Variants in DCPS observed in about 807,000 individuals in gnomAD.
DCPS encodes the protein m7GpppX diphosphatase.
Under a neutral mutation model 34.7 loss-of-function variants are expected in DCPS, and 27 were observed. The ratio of observed to expected loss-of-function variants is 0.78; its 90% CI spans 0.57 to 1.07. DCPS has a LOEUF of 1.07. Among genes scored for constraint, DCPS ranks in the 50% least tolerant of loss-of-function variants. The pLI is 0.00. For missense variants in DCPS, 464 were observed against 436.9 expected, an observed-to-expected ratio of 1.06 and a Z score of -0.55; for synonymous variants, 185 against 185.7, an observed-to-expected ratio of 1.00 and a Z score of 0.03.
In DCPS at chr11:126,345,629, A is replaced by G; in HGVS notation, c.*16A>G. On this transcript the variant is annotated 3_prime_UTR_variant, in exon 6 of 6. Coordinates refer to ENST00000263579, the MANE Select transcript of DCPS (RefSeq NM_014026.6). This position sits in a 1 kb window ranked among gnomAD's most constrained non-coding sequence, Gnocchi z 7.4. ...GCAAAGCTGAATTAACTCAGGCAGA[A>G]GAGCACAGATGTGTGGGATTGGGGG... 1 of 1,609,026 alleles carries G rather than the reference A, an allele frequency of 6.2e-7. No homozygotes were observed. Among genetic ancestry groups the G allele is most frequent in the Non-Finnish European group, 8.5e-7 (1 of 1,177,662 alleles).
rs1951810763 is a variant in DCPS, at chr11:126,333,891, CTGATA to C, written c.522+2343_522+2347del. On this transcript the variant is annotated intron_variant, in intron 3 of 5. Coordinates refer to ENST00000263579, the MANE Select transcript of DCPS (RefSeq NM_014026.6). This position sits in a 1 kb window ranked among gnomAD's most constrained non-coding sequence, Gnocchi z 5.7. ...TCTCTCTCTCTCTCTCTCTCTCTCT[CTGATA>C]TTTCTGACAACCATCAGATGTGAGA... Among the ~76,000 whole-genome samples, 1 of 152,080 alleles carries C rather than the reference CTGATA, an allele frequency of 6.6e-6. No homozygotes were observed. Among genetic ancestry groups the C allele is most frequent in the African/African-American group, 2.4e-5 (1 of 41,414 alleles).
Position 126,325,934 on chromosome 11 carries a change from T to C in DCPS, c.377-5471T>C, listed in dbSNP as rs1250649888. Among the ~76,000 whole-genome samples the C allele has an allele frequency of 6.6e-6, 1 of 151,890 alleles. No individual in the cohort carries two copies. Among genetic ancestry groups the C allele is most frequent in the Non-Finnish European group, 1.5e-5 (1 of 67,964 alleles). The stretch of plus-strand genomic sequence containing the variant: ...GGAAATCGAGGCCATCCTGGCCAAC[T>C]TGGTGAAACCCTGTCTCTACTAAAA... On this transcript the variant is annotated intron_variant, in intron 2 of 5. Coordinates refer to ENST00000263579, the MANE Select transcript of DCPS (RefSeq NM_014026.6). The surrounding 1 kb of genome is among the most constrained non-coding windows in gnomAD (Gnocchi z 4.3).
At position 126,328,488 on chromosome 11, in the gene DCPS, A is replaced by G. The variant is rs1385155001; in HGVS notation, c.377-2917A>G. Among the ~76,000 whole-genome samples, 1 of 152,118 alleles carries G rather than the reference A, an allele frequency of 6.6e-6. No individual in the cohort carries two copies. Among genetic ancestry groups the G allele is most frequent in the Non-Finnish European group, 1.5e-5 (1 of 68,014 alleles). The stretch of plus-strand genomic sequence containing the variant: ...GCAGTTGGAAAATAAGCACCTGTGG[A>G]TGCTCTTGCTGCTGAGGGGAGGCGG... On this transcript the variant is annotated intron_variant, in intron 2 of 5. Coordinates refer to ENST00000263579, the MANE Select transcript of DCPS (RefSeq NM_014026.6). The surrounding 1 kb of genome is among the most constrained non-coding windows in gnomAD (Gnocchi z 6.6).
rs141698266 is a variant in DCPS, at chr11:126,342,548, C to T, written c.637-759C>T. 1.1e-3 allele frequency among the ~76,000 whole-genome samples: 160 copies of T among 152,314 alleles called. 1 individual carries two copies. Among genetic ancestry groups the T allele is most frequent in the Middle Eastern group, 3.4e-3 (1 of 294 alleles). On this transcript the variant is annotated intron_variant, in intron 4 of 5. Coordinates refer to ENST00000263579, the MANE Select transcript of DCPS (RefSeq NM_014026.6). This position sits in a 1 kb window ranked among gnomAD's most constrained non-coding sequence, Gnocchi z 4.4. ...TGTTTCCTCTACCTGAATACCCTTTCTCCAAATTCTACCTTTTTTCTAGAC... is the reference window on the plus strand; with the variant it reads ...TGTTTCCTCTACCTGAATACCCTTTTTCCAAATTCTACCTTTTTTCTAGAC...
rs570667854 is a variant in DCPS, at chr11:126,344,550, C to T, written c.748-797C>T. Among the ~76,000 whole-genome samples the T allele has an allele frequency of 3.3e-5, 5 of 152,284 alleles. No individual in the cohort carries two copies. Among genetic ancestry groups the T allele is most frequent in the African/African-American group, 7.2e-5 (3 of 41,556 alleles). ...GGATTCCTGGGGTGAGCTCCAAATG[C>T]AGAACACAGTTCTGGGGTATATACT... On this transcript the variant is annotated intron_variant, in intron 5 of 5. Coordinates refer to ENST00000263579, the MANE Select transcript of DCPS (RefSeq NM_014026.6). This position sits in a 1 kb window ranked among gnomAD's most constrained non-coding sequence, Gnocchi z 8.1.
At position 126,336,115 on chromosome 11, in the gene DCPS, C is replaced by CAAA. The variant is rs34762229; in HGVS notation, c.523-2154_523-2152dup. On this transcript the variant is annotated intron_variant, in intron 3 of 5. Coordinates refer to ENST00000263579, the MANE Select transcript of DCPS (RefSeq NM_014026.6). The surrounding 1 kb of genome is among the most constrained non-coding windows in gnomAD (Gnocchi z 6.3). ...TGGGCGAAAGAGCAAGACTCCATCT[C>CAAA]AAAAAAAAAAAAAAAAAAATGGCGA... Among the ~76,000 whole-genome samples the CAAA allele has an allele frequency of 2.7e-5, 3 of 109,172 alleles. No homozygotes were observed. The highest frequency in any genetic ancestry group is 3.7e-5 in the Non-Finnish European group (2 of 53,934). 71.6% of individuals were successfully genotyped at this position (109,172 alleles called of 152,430 possible). A position where few individuals can be genotyped will look rare whatever the true frequency, so the allele number is the denominator to read the frequency against.
chr11:126,311,784 T>C (rs1315335530), intron 2 of DCPS, among the ~76,000 whole-genome samples: 1 of 152,212 alleles, frequency 6.6e-6, no homozygotes, highest in Non-Finnish European at 1.5e-5. Context: ...GAAACTGAAC[T>C]TACCTCAGTG....
Position 126,345,771 on chromosome 11 carries a change from T to A in DCPS, c.*158T>A. The A allele has an allele frequency of 8.8e-7, 1 of 1,138,962 alleles. No individual in the cohort carries two copies. The highest frequency in any genetic ancestry group is 1.2e-6 in the Non-Finnish European group (1 of 823,428). 70.6% of individuals were successfully genotyped at this position (1,138,962 alleles called of 1,614,324 possible). A position where few individuals can be genotyped will look rare whatever the true frequency, so the allele number is the denominator to read the frequency against. On this transcript the variant is annotated 3_prime_UTR_variant, in exon 6 of 6. Coordinates refer to ENST00000263579, the MANE Select transcript of DCPS (RefSeq NM_014026.6). The surrounding 1 kb of genome is among the most constrained non-coding windows in gnomAD (Gnocchi z 7.4). ...CTCACTCAGTGTGGACAGCGTGGCCTGGGAGGCAGACAGATGGTGGGGGAC... is the reference window on the plus strand; with the variant it reads ...CTCACTCAGTGTGGACAGCGTGGCCAGGGAGGCAGACAGATGGTGGGGGAC...
chr11:126,310,531 G>A (rs1951611539), intron 2 of DCPS, among the ~76,000 whole-genome samples: 1 of 152,186 alleles, frequency 6.6e-6, no homozygotes, highest in South Asian at 2.1e-4. Context: ...GTCACTGCCT[G>A]GATATAAGGG....
Position 126,331,434 on chromosome 11 carries a change from A to G in DCPS, c.406A>G (p.Thr136Ala). Residue 136 changes from threonine to alanine, a missense_variant, in exon 3 of 6, where the codon ACA (threonine) becomes GCA (alanine). Transcript: ENST00000263579. This position sits in a 1 kb window ranked among gnomAD's most constrained non-coding sequence, Gnocchi z 7.2. Reference sequence around the variant, plus strand: ...AAAGACGACCGTGGTTTACCCTGCCACAGAGAAACACCTGCAGAAGTACCT... The same window carrying G: ...AAAGACGACCGTGGTTTACCCTGCCGCAGAGAAACACCTGCAGAAGTACCT... ...DVKTTVVYPA[T>A]EKHLQKYLRQ... 1 of 1,614,170 alleles carries G rather than the reference A, an allele frequency of 6.2e-7. No homozygotes were observed. The highest frequency in any genetic ancestry group is 8.5e-7 in the Non-Finnish European group (1 of 1,180,026).
intron 2 of DCPS, among the ~76,000 whole-genome samples, chr11:126,317,254 C>G (rs540606130): frequency 6.6e-6 from 1 of 151,274 alleles, no homozygotes. Context: ...CCACTGCACC[C>G]GGCCTCCCGG....
intron 2 of DCPS, among the ~76,000 whole-genome samples, chr11:126,318,305 G>C (rs568747401): frequency 6.6e-6 from 1 of 152,236 alleles, no homozygotes; most frequent in East Asian, 1.9e-4. Flanking sequence ...AGGTCTCTTC[G>C]GGCTTCACTT....
Position 126,327,619 on chromosome 11 carries a change from C to T in DCPS, c.377-3786C>T, listed in dbSNP as rs559724028. ...GTTCAGCTGCAGGTCAACATCTTGA[C>T]GGGCATTGAGGTAAACACCAGCGTT... On this transcript the variant is annotated intron_variant, in intron 2 of 5. Coordinates refer to ENST00000263579, the MANE Select transcript of DCPS (RefSeq NM_014026.6). This position sits in a 1 kb window ranked among gnomAD's most constrained non-coding sequence, Gnocchi z 4.1. Among the ~76,000 whole-genome samples the T allele has an allele frequency of 5.9e-5, 9 of 152,048 alleles. No individual in the cohort carries two copies. The South Asian group carries it at 1.0e-3, about 18-fold the overall frequency.
rs1375426561 is a variant in DCPS, at chr11:126,323,552, T to C, written c.377-7853T>C. On this transcript the variant is annotated intron_variant, in intron 2 of 5. Coordinates refer to ENST00000263579, the MANE Select transcript of DCPS (RefSeq NM_014026.6). The surrounding 1 kb of genome is among the most constrained non-coding windows in gnomAD (Gnocchi z 4.4). ...CATTTCTTTCTTTTCTTTTTTTTTT[T>C]TGAGACAGGGTCTTGCTCAGTCACC... Among the ~76,000 whole-genome samples, 1 of 151,970 alleles carries C rather than the reference T, an allele frequency of 6.6e-6. No homozygotes were observed. The highest frequency in any genetic ancestry group is 1.9e-4 in the East Asian group (1 of 5,192).
In DCPS at chr11:126,336,819, G is replaced by T. The variant is rs2135331838; in HGVS notation, c.523-1467G>T. On this transcript the variant is annotated intron_variant, in intron 3 of 5. Transcript: ENST00000263579. The surrounding 1 kb of genome is among the most constrained non-coding windows in gnomAD (Gnocchi z 6.3). ...GTCCTCCAGACCCCTCCCAGGAAGG[G>T]GCCTCATTCGGTTTCTTGGGAACTG... is the stretch of plus-strand genomic sequence containing the variant. 6.6e-6 allele frequency: 1 copy of T among 152,448 alleles called. No homozygotes were observed. Among genetic ancestry groups the T allele is most frequent in the East Asian group, 1.9e-4 (1 of 5,172 alleles). The allele number at this position is 152,448 out of a possible 1,614,324, so 9.4% of individuals were successfully genotyped here. A position where few individuals can be genotyped will look rare whatever the true frequency, so the allele number is the denominator to read the frequency against.
intron 2 of DCPS, among the ~76,000 whole-genome samples, chr11:126,309,088 G>A (rs1187601364): frequency 6.7e-6 from 1 of 148,418 alleles, no homozygotes; most frequent in African/African-American, 2.5e-5. Context: ...GCAATGGCAC[G>A]TTCTTGGCTC....
rs1035051398 is a variant in DCPS at position 126,329,733 on chromosome 11, C to T, written c.377-1672C>T. Reference sequence around the variant, plus strand: ...ATGACTCTTTTGAGTCCCAGCCCACCCTCTTCACTGACGTATGAAAGCGGG... The same window carrying T: ...ATGACTCTTTTGAGTCCCAGCCCACTCTCTTCACTGACGTATGAAAGCGGG... On this transcript the variant is annotated intron_variant, in intron 2 of 5. Coordinates refer to ENST00000263579, the MANE Select transcript of DCPS (RefSeq NM_014026.6). This position sits in a 1 kb window ranked among gnomAD's most constrained non-coding sequence, Gnocchi z 5.0. 1.3e-5 allele frequency among the ~76,000 whole-genome samples: 2 copies of T among 152,162 alleles called. No individual in the cohort carries two copies. Among genetic ancestry groups the T allele is most frequent in the African/African-American group, 4.8e-5 (2 of 41,436 alleles).
rs1451618300 is a variant in DCPS, at chr11:126,347,091, T to A, written c.*1478T>A. 6.6e-6 allele frequency among the ~76,000 whole-genome samples: 1 copy of A among 151,370 alleles called. No homozygotes were observed. Among genetic ancestry groups the A allele is most frequent in the Non-Finnish European group, 1.5e-5 (1 of 67,852 alleles). ...AAGACTCCCTCTCAGAAAAAAAAAT[T>A]AAAAAAATAGAAACAGCCGGGGAGT... is the stretch of plus-strand genomic sequence containing the variant. On this transcript the variant is annotated 3_prime_UTR_variant, in exon 6 of 6. Transcript: ENST00000263579. The surrounding 1 kb of genome is among the most constrained non-coding windows in gnomAD (Gnocchi z 4.2).
In DCPS at chr11:126,304,269, C is replaced by T. The variant is rs695029; in HGVS notation, c.189C>T (p.Phe63=). The T allele has an allele frequency of 0.23, 365,169 of 1,613,960 alleles. 48,037 individuals carry two copies. Among genetic ancestry groups the T allele is most frequent in the East Asian group, 0.63 (28,437 of 44,854 alleles). Residue 63 remains phenylalanine (F), a synonymous_variant, in exon 1 of 6, where the codon TTC becomes TTT. Transcript: ENST00000263579. ...AGTCTGCGCGGGACAAAATCATTTTCCTACACGGGAAGGTACCAGGAGGCA... is the reference window on the plus strand; with the variant it reads ...AGTCTGCGCGGGACAAAATCATTTTTCTACACGGGAAGGTACCAGGAGGCA... ...LRESARDKII[F]LHGKVNEASG... is the part of the protein sequence containing the mutation.
Sources: allele counts gnomAD v4.1 joint callset (sites outside exome capture counted in the v4.1 genomes callset), GRCh38; gene constraint gnomAD v4.1.1; non-coding constraint Gnocchi (gnomAD v3.1); transcripts MANE v1.5; gene names NCBI Gene and HGNC (gene_info 2026-07-23, HGNC 2026-07-21).